The following NEMP2 variants were observed in gnomAD, a reference collection of about 807,000 sequenced individuals.
NEMP2 encodes the protein UPF0571 transmembrane protein.
NEMP2 carries 53 observed loss-of-function variants against 54.2 expected under a neutral mutation model. That is an observed-to-expected ratio of 0.98 (90% CI 0.78 to 1.23). The LOEUF (loss-of-function observed/expected upper bound fraction) is 1.23, where lower values mean the gene tolerates loss of function less well. NEMP2 is among the 50% of genes most tolerant of loss of function. NEMP2 has a pLI of 0.00. For synonymous variants in NEMP2, 197 were observed against 190.3 expected, an observed-to-expected ratio of 1.04 and a Z score of -0.29; for missense variants, 455 against 511.3, an observed-to-expected ratio of 0.89 and a Z score of 1.06.
chr2:190,448,725 G>A, the NEMP2 span, among the ~76,000 whole-genome samples: 1 of 152,180 alleles, frequency 6.6e-6, no homozygotes, highest in African/African-American at 2.4e-5. Flanking sequence ...AGGACAAAAA[G>A]AGAAAGGGAC....
Position 190,528,804 on chromosome 2 carries a change from G to C in NEMP2, c.98-3426C>G, listed in dbSNP as rs1691038305. 6.6e-6 allele frequency among the ~76,000 whole-genome samples: 1 copy of C among 152,184 alleles called. No individual in the cohort carries two copies. The highest frequency in any genetic ancestry group is 1.5e-5 in the Non-Finnish European group (1 of 68,038). Reference sequence around the variant, plus strand: ...GTTCTTTCCACTTGATCCTAAGACTGTCTCCTAAATCATTCCAAACCTGGA... The same window carrying C: ...GTTCTTTCCACTTGATCCTAAGACTCTCTCCTAAATCATTCCAAACCTGGA... On this transcript the variant is annotated intron_variant, in intron 1 of 8. Coordinates refer to ENST00000409150, the MANE Select transcript of NEMP2 (RefSeq NM_001142645.2). This position sits in a 1 kb window ranked among gnomAD's most constrained non-coding sequence, Gnocchi z 4.3.
the NEMP2 span, among the ~76,000 whole-genome samples, chr2:190,469,337 C>A: frequency 6.6e-6 from 1 of 152,096 alleles, no homozygotes; most frequent in African/African-American, 2.4e-5. This position sits in a 1 kb window ranked among gnomAD's most constrained non-coding sequence, Gnocchi z 5.3. Context: ...ATCCTTCCTT[C>A]CCCCATTGTA....
the NEMP2 span, among the ~76,000 whole-genome samples, chr2:190,557,491 A>C: frequency 6.6e-6 from 1 of 152,236 alleles, no homozygotes; most frequent in Non-Finnish European, 1.5e-5. Flanking sequence ...ATTAAACTAA[A>C]GAGCTTCTGC....
the NEMP2 span, among the ~76,000 whole-genome samples, chr2:190,581,963 C>T: frequency 6.6e-6 from 1 of 152,112 alleles, no homozygotes; most frequent in Non-Finnish European, 1.5e-5. Flanking sequence ...CCCTCCAACT[C>T]CCTGAAAGCT....
At chr2:190,551,928 A>G in the NEMP2 span, among the ~76,000 whole-genome samples, 1 of 151,906 alleles carries the variant, frequency 6.6e-6, no homozygotes, top group Non-Finnish European at 1.5e-5. Flanking sequence ...TCTGCTATCC[A>G]TGTCTCTGTC....
chr2:190,622,970 AC>A, the NEMP2 span, among the ~76,000 whole-genome samples: 3 of 152,184 alleles, frequency 2.0e-5, no homozygotes, highest in African/African-American at 7.2e-5. Flanking sequence ...GAACAGACAA[AC>A]CAATTCAATA....
At chr2:190,434,244 A>G in the NEMP2 span, among the ~76,000 whole-genome samples, 13 of 152,148 alleles carry the variant, frequency 8.5e-5, no homozygotes, top group Middle Eastern at 3.4e-3. The surrounding 1 kb of genome is among the most constrained non-coding windows in gnomAD (Gnocchi z 4.3). Flanking sequence ...TTTAATGTAT[A>G]TACTTCCTAC....
the NEMP2 span, among the ~76,000 whole-genome samples, chr2:190,448,278 C>T: frequency 6.6e-6 from 1 of 152,182 alleles, no homozygotes; most frequent in African/African-American, 2.4e-5. Context: ...CTAGATACTC[C>T]CTATGGCCTA....
rs1690815385 is a variant in NEMP2, at chr2:190,523,267, A to G, written c.213+1996T>C. ...CACAACCTCCGAAAAAGATTTTAAA[A>G]AAACACTATAAATAAATATTGAACT... On this transcript the variant is annotated intron_variant, in intron 2 of 8. Transcript: ENST00000409150. This position sits in a 1 kb window ranked among gnomAD's most constrained non-coding sequence, Gnocchi z 5.3. Among the ~76,000 whole-genome samples the G allele has an allele frequency of 6.6e-6, 1 of 152,228 alleles. No individual in the cohort carries two copies. The highest frequency in any genetic ancestry group is 6.5e-5 in the Admixed American group (1 of 15,282).
At chr2:190,623,525 A>G in the NEMP2 span, among the ~76,000 whole-genome samples, 3 of 152,254 alleles carry the variant, frequency 2.0e-5, no homozygotes, top group Non-Finnish European at 4.4e-5. Context: ...ATTTACAGCT[A>G]ACCCATTTTC....
the NEMP2 span, among the ~76,000 whole-genome samples, chr2:190,629,528 A>C: frequency 2.5e-3 from 386 of 152,330 alleles, 4 homozygotes; most frequent in African/African-American, 9.0e-3. Context: ...TTTAATGAAA[A>C]GTTTATTGGG....
chr2:190,457,338 TCTAA>T, the NEMP2 span, among the ~76,000 whole-genome samples: 2 of 152,106 alleles, frequency 1.3e-5, no homozygotes, highest in Non-Finnish European at 2.9e-5. The surrounding 1 kb of genome is among the most constrained non-coding windows in gnomAD (Gnocchi z 5.1). Flanking sequence ...ACTCTAATGA[TCTAA>T]CTTTCTTCTT....
chr2:190,481,169 T>C, the NEMP2 span, among the ~76,000 whole-genome samples: 1 of 152,254 alleles, frequency 6.6e-6, no homozygotes, highest in East Asian at 1.9e-4. Flanking sequence ...TTAAACTCCC[T>C]GGGTTTTGGG....
downstream of NEMP2, chr2:190,500,154 G>T (rs778604042): frequency 6.2e-6 from 10 of 1,614,008 alleles, no homozygotes; most frequent in Middle Eastern, 1.6e-4. This position sits in a 1 kb window ranked among gnomAD's most constrained non-coding sequence, Gnocchi z 5.3. Flanking sequence ...GCTCACCCCA[G>T]TGTGGACCCG....
At position 190,508,362 on chromosome 2, in the gene NEMP2, A is replaced by T. The variant is rs1179115061; in HGVS notation, c.*827T>A. ...TTGTGAGGCCCATGGCTGTAGGGAG[A>T]TGGCTCCTAAGCTTGCACCTGAAGA... On this transcript the variant is annotated 3_prime_UTR_variant, in exon 9 of 9. Transcript: ENST00000409150. This position sits in a 1 kb window ranked among gnomAD's most constrained non-coding sequence, Gnocchi z 4.3. 1 of 152,226 alleles carries T rather than the reference A, an allele frequency of 6.6e-6. No homozygotes were observed. Among genetic ancestry groups the T allele is most frequent in the Non-Finnish European group, 1.5e-5 (1 of 68,042 alleles). 9.4% of individuals were successfully genotyped at this position (152,226 alleles called of 1,614,324 possible). A position where few individuals can be genotyped will look rare whatever the true frequency, so the allele number is the denominator to read the frequency against.
At chr2:190,568,410 CAAAT>C in the NEMP2 span, among the ~76,000 whole-genome samples, 1 of 152,026 alleles carries the variant, frequency 6.6e-6, no homozygotes, top group African/African-American at 2.4e-5. The surrounding 1 kb of genome is among the most constrained non-coding windows in gnomAD (Gnocchi z 4.7). Flanking sequence ...ATTATGCAAA[CAAAT>C]AAAATAATAA....
the NEMP2 span, among the ~76,000 whole-genome samples, chr2:190,458,045 G>A: frequency 3.3e-5 from 5 of 152,184 alleles, no homozygotes; most frequent in East Asian, 5.8e-4. This position sits in a 1 kb window ranked among gnomAD's most constrained non-coding sequence, Gnocchi z 5.3. Flanking sequence ...GTTGAGGCCC[G>A]AGGAAGCTGC....
chr2:190,494,386 C>T, the NEMP2 span, among the ~76,000 whole-genome samples: 1 of 152,066 alleles, frequency 6.6e-6, no homozygotes, highest in African/African-American at 2.4e-5. The surrounding 1 kb of genome is among the most constrained non-coding windows in gnomAD (Gnocchi z 5.7). Flanking sequence ...AAGTCCAGGA[C>T]CAGATGGAGT....
chr2:190,538,895 C>T (rs74578198), upstream of NEMP2, among the ~76,000 whole-genome samples: 912 of 152,246 alleles, frequency 6.0e-3, 13 homozygotes, highest in African/African-American at 0.021. The surrounding 1 kb of genome is among the most constrained non-coding windows in gnomAD (Gnocchi z 4.1). Context: ...CAAATATTTT[C>T]TCTCATTCTA....
Sources: gnomAD v4.1 joint callset for allele counts (sites outside exome capture counted in the v4.1 genomes callset) on GRCh38, gnomAD v4.1.1 for gene constraint, Gnocchi (gnomAD v3.1) non-coding constraint, MANE v1.5 for transcripts, NCBI Gene and HGNC (gene_info 2026-07-23, HGNC 2026-07-21) for gene names.